The following LMF1 variants were observed in gnomAD, a reference collection of about 807,000 sequenced individuals.
LMF1 encodes lipase maturation factor 1, also known as transmembrane protein 112.
In LMF1, 68 loss-of-function variants were observed where a neutral mutation model predicts 60.6. The observed-to-expected ratio is 1.12, with a 90% CI of 0.92 to 1.37. The LOEUF is 1.37. Ranked by LOEUF, LMF1 falls within the 40% of genes most tolerant of loss-of-function variation. LMF1 has a pLI of 0.00. For missense variants in LMF1, 948 were observed against 767.2 expected (o/e 1.24, Z -2.78); for synonymous variants, 418 against 324.7 (o/e 1.29, Z -3.09).
At chr16:943,775 G>A (rs1042391190) in intron 2 of LMF1, among the ~76,000 whole-genome samples, 1 of 150,820 alleles carries the variant, frequency 6.6e-6, no homozygotes, top group Non-Finnish European at 1.5e-5. Context: ...TTGAGTCCTG[G>A]TGTGTATCTG....
chr16:874,515 C>T lies in LMF1; in HGVS notation c.898-3174G>A, dbSNP rs224166. On this transcript the variant is annotated intron_variant, in intron 6 of 10. Transcript: ENST00000262301. This position sits in a 1 kb window ranked among gnomAD's most constrained non-coding sequence, Gnocchi z 4.1. ...TGGCTCCCGTGGGGTGCTGGCTGGGCGGCCGGGCTCTGCGGTCACTGCTCT... is the reference window on the plus strand; with the variant it reads ...TGGCTCCCGTGGGGTGCTGGCTGGGTGGCCGGGCTCTGCGGTCACTGCTCT... Among the ~76,000 whole-genome samples the T allele has an allele frequency of 0.41, 62,572 of 152,082 alleles. 13,378 individuals are homozygous for T. Among genetic ancestry groups the T allele is most frequent in the Middle Eastern group, 0.5 (147 of 294 alleles).
At chr16:857,056 T>C (rs1344417030) in intron 10 of LMF1, among the ~76,000 whole-genome samples, 1 of 152,266 alleles carries the variant, frequency 6.6e-6, no homozygotes, top group Non-Finnish European at 1.5e-5. Context: ...CAGGCGATTC[T>C]CACGCCAATT....
intron 4 of LMF1, among the ~76,000 whole-genome samples, chr16:910,545 A>C (rs2071081566): frequency 6.6e-6 from 1 of 152,144 alleles, no homozygotes; most frequent in African/African-American, 2.4e-5. Context: ...CCATGGCCTG[A>C]GACTCTGTCA....
chr16:862,358 G>A (rs999291917), intron 10 of LMF1, among the ~76,000 whole-genome samples: 3 of 151,956 alleles, frequency 2.0e-5, no homozygotes, highest in Non-Finnish European at 4.4e-5. Flanking sequence ...TGGCCAGGCT[G>A]GTCTTGAACT....
chr16:871,769 G>A (rs1225953120), intron 6 of LMF1: 1 of 163,694 alleles, frequency 6.1e-6, no homozygotes, highest in East Asian at 1.8e-4. Flanking sequence ...ACGCCCCTCA[G>A]CCGATGGGTG....
chr16:921,737 G>C (rs2151767206), intron 3 of LMF1, among the ~76,000 whole-genome samples: 1 of 152,310 alleles, frequency 6.6e-6, no homozygotes, highest in East Asian at 1.9e-4. Context: ...CCGACGCAGG[G>C]ACGGGGGACA....
upstream of LMF1, among the ~76,000 whole-genome samples, chr16:974,595 C>T (rs1454204310): frequency 2.0e-5 from 3 of 152,220 alleles, no homozygotes; most frequent in Non-Finnish European, 2.9e-5. Flanking sequence ...CCCCGGAGAC[C>T]GACCAGCCTG....
intron 3 of LMF1, among the ~76,000 whole-genome samples, chr16:916,944 C>G (rs1317695641): frequency 6.6e-6 from 1 of 152,234 alleles, no homozygotes; most frequent in Admixed American, 6.5e-5. Flanking sequence ...GCTCTGGGAT[C>G]CCCTGAATAT....
intron 8 of LMF1, 53 bp from the exon 9 acceptor site, chr16:870,119 G>C: frequency 6.4e-7 from 1 of 1,566,508 alleles, no homozygotes; most frequent in Non-Finnish European, 8.6e-7. Context: ...GCTGGGCCGA[G>C]TGGGGTGCAT....
At chr16:869,091 C>T (rs754762750) in intron 9 of LMF1, 35 bp from the exon 10 acceptor site, 5 of 1,388,398 alleles carry the variant, frequency 3.6e-6, no homozygotes, top group Middle Eastern at 1.8e-4. Context: ...ACGGCTGTGC[C>T]ACTCGCTGTC....
chr16:872,983 TGTG>T (rs1209390880), intron 6 of LMF1: 1 of 152,262 alleles, frequency 6.6e-6, no homozygotes, highest in African/African-American at 2.4e-5. Context: ...GTCATCCTGC[TGTG>T]GGCTCAGTGG....
intron 5 of LMF1, among the ~76,000 whole-genome samples, chr16:890,798 A>C (rs2070460948): frequency 6.6e-6 from 1 of 152,176 alleles, no homozygotes; most frequent in Non-Finnish European, 1.5e-5. Context: ...CCACGCTCCA[A>C]GCTCCAGGGA....
At chr16:915,821 GGGGGCCGGAGCAGGTGAGATGCA>G (rs1457211521) in intron 3 of LMF1, among the ~76,000 whole-genome samples, 52 of 152,278 alleles carry the variant, frequency 3.4e-4, no homozygotes, top group African/African-American at 1.1e-3. Context: ...CACCATCACC[GGGGGCCGGAGCAGGTGAGATGCA>G]GGGGCCGGAG....
chr16:896,420 G>A (rs925437745), intron 4 of LMF1, among the ~76,000 whole-genome samples: 8 of 152,236 alleles, frequency 5.3e-5, no homozygotes, highest in East Asian at 3.8e-4. Flanking sequence ...CCGAACACCC[G>A]GGAGTGTTAC....
chr16:858,950 A>T (rs373828549), intron 10 of LMF1, among the ~76,000 whole-genome samples: 29 of 33,076 alleles, frequency 8.8e-4, no homozygotes, highest in East Asian at 3.9e-3. Flanking sequence ...CAGTGGTGTC[A>T]CGGGACGGGT....
intron 1 of LMF1, among the ~76,000 whole-genome samples, chr16:958,535 T>A (rs990495426): frequency 6.6e-6 from 1 of 152,152 alleles, no homozygotes; most frequent in Non-Finnish European, 1.5e-5. Flanking sequence ...GAAATGCCCA[T>A]GAAAACCACA....
chr16:871,424 G>T, intron 6 of LMF1, 83 bp from the exon 7 acceptor site: 1 of 1,385,100 alleles, frequency 7.2e-7, no homozygotes, highest in Non-Finnish European at 1.0e-6. Context: ...CTGGAGCAGG[G>T]AGGGGGGAGG....
chr16:909,895 G>A (rs572693863), intron 4 of LMF1, among the ~76,000 whole-genome samples: 1 of 152,282 alleles, frequency 6.6e-6, no homozygotes, highest in Non-Finnish European at 1.5e-5. Context: ...TGGCCCTGGC[G>A]TGAGCGCGCT....
At chr16:914,464 C>T (rs1172699913) in intron 3 of LMF1, among the ~76,000 whole-genome samples, 6 of 151,168 alleles carry the variant, frequency 4.0e-5, no homozygotes, top group African/African-American at 9.8e-5. Context: ...CCCGTGATCG[C>T]TCCAGCTCTC....
Sources: gnomAD v4.1 joint callset for allele counts (sites outside exome capture counted in the v4.1 genomes callset) on GRCh38, gnomAD v4.1.1 for gene constraint, Gnocchi (gnomAD v3.1) non-coding constraint, MANE v1.5 for transcripts, NCBI Gene and HGNC (gene_info 2026-07-23, HGNC 2026-07-21) for gene names.